Variants in TRPM3 observed in about 807,000 individuals in gnomAD.
The protein encoded by TRPM3 is long transient receptor potential channel 3.
A neutral mutation model predicts 181.2 loss-of-function variants in TRPM3; 77 were observed. The ratio of observed to expected loss-of-function variants is 0.42; its 90% confidence interval spans 0.35 to 0.51. The LOEUF is 0.51. Ranked by LOEUF, TRPM3 falls within the 20% of genes least tolerant of loss-of-function variation. TRPM3 has a pLI of 0.01. For missense variants in TRPM3, 1,759 were observed against 2,196.7 expected (o/e 0.80, Z 3.98); for synonymous variants, 745 against 796.4 (o/e 0.94, Z 1.09).
intron 25 of TRPM3, among the ~76,000 whole-genome samples, chr9:70,542,958 T>C (rs1048875515): frequency 1.3e-5 from 2 of 152,214 alleles, no homozygotes; most frequent in African/African-American, 2.4e-5. Flanking sequence ...CCCTTTGGGT[T>C]AATTATCCTT....
rs115594752 is a variant in TRPM3 at position 71,431,720 on chromosome 9, T to G, written c.183+14933A>C. Among the ~76,000 whole-genome samples the G allele has an allele frequency of 7.9e-3, 1,202 of 152,340 alleles. 21 individuals are homozygous for G. Among genetic ancestry groups the G allele is most frequent in the African/African-American group, 0.027 (1,105 of 41,572 alleles). On this transcript the variant is annotated intron_variant, in intron 1 of 24. Transcript: ENST00000357533. Reference sequence around the variant, plus strand: ...AGACTTCACTTCTCTGAAATTTTATTTCATCTTCCATAACTTGTGCATCAA... The same window carrying G: ...AGACTTCACTTCTCTGAAATTTTATGTCATCTTCCATAACTTGTGCATCAA...
At chr9:71,421,222 G>A (rs1014140463) in intron 1 of TRPM3, among the ~76,000 whole-genome samples, 4 of 151,754 alleles carry the variant, frequency 2.6e-5, no homozygotes, top group Admixed American at 6.6e-5. Flanking sequence ...AGGTGGGAAG[G>A]AAGGAAGGGG....
At chr9:70,576,929 G>T (rs2054179160) in intron 22 of TRPM3, among the ~76,000 whole-genome samples, 1 of 152,178 alleles carries the variant, frequency 6.6e-6, no homozygotes, top group African/African-American at 2.4e-5. Context: ...TGTCTGGAAT[G>T]TTCCTTCCCC....
intron 1 of TRPM3, among the ~76,000 whole-genome samples, chr9:70,986,403 T>A (rs2097421945): frequency 6.6e-6 from 1 of 152,154 alleles, no homozygotes; most frequent in South Asian, 2.1e-4. Flanking sequence ...ACTTCATACA[T>A]CTTTATTACT....
At chr9:71,076,667 G>C (rs565034788) in intron 1 of TRPM3, among the ~76,000 whole-genome samples, 21 of 152,268 alleles carry the variant, frequency 1.4e-4, no homozygotes, top group Middle Eastern at 6.8e-3. Context: ...AAAAGCTGGG[G>C]AAAAGCTAAT....
chr9:71,356,631 A>T (rs1565493997), intron 1 of TRPM3, among the ~76,000 whole-genome samples: 1 of 152,198 alleles, frequency 6.6e-6, no homozygotes, highest in Non-Finnish European at 1.5e-5. Flanking sequence ...GAGATAATCC[A>T]TGAAAACCAC....
chr9:70,595,847 C>G (rs1205199446), intron 21 of TRPM3, among the ~76,000 whole-genome samples: 1 of 152,038 alleles, frequency 6.6e-6, no homozygotes, highest in Non-Finnish European at 1.5e-5. Flanking sequence ...CATTTTTTTC[C>G]TAGTCAAAAA....
chr9:70,844,195 T>C (rs2094841902), intron 4 of TRPM3, among the ~76,000 whole-genome samples: 1 of 152,124 alleles, frequency 6.6e-6, no homozygotes, highest in African/African-American at 2.4e-5. Context: ...TGCGCTAAAC[T>C]AACTAAACAC....
Position 70,972,335 on chromosome 9 carries a change from G to T in TRPM3, c.178-107824C>A, listed in dbSNP as rs2097255863. ...AAGTGAAAGAGCGTAATGTTTTCAA[G>T]ATTCATCTATGTTGTCAGATAAATC... On this transcript the variant is annotated intron_variant, in intron 1 of 25. Coordinates refer to ENST00000677713, the MANE Select transcript of TRPM3 (RefSeq NM_001366145.2). Among the ~76,000 whole-genome samples, 4 of 152,106 alleles carry T rather than the reference G, an allele frequency of 2.6e-5. No homozygotes were observed. In the South Asian group the frequency reaches 8.3e-4, roughly 32 times the overall value.
chr9:71,322,462 A>G (rs2089313058), intron 1 of TRPM3, among the ~76,000 whole-genome samples: 2 of 152,288 alleles, frequency 1.3e-5, no homozygotes, highest in South Asian at 4.1e-4. Flanking sequence ...AACTTGATAT[A>G]TTATTCCATA....
chr9:71,094,206 T>G (rs2133946197), intron 1 of TRPM3, among the ~76,000 whole-genome samples: 1 of 152,156 alleles, frequency 6.6e-6, no homozygotes, highest in Non-Finnish European at 1.5e-5. Flanking sequence ...CCTGTATACC[T>G]GTATAACAAA....
intron 1 of TRPM3, among the ~76,000 whole-genome samples, chr9:71,009,499 C>T (rs912428113): frequency 3.3e-5 from 5 of 151,950 alleles, no homozygotes; most frequent in Admixed American, 3.3e-4. Flanking sequence ...ACAATAGCTA[C>T]AAAAGATACC....
At chr9:70,794,573 A>T (rs1351786299) in intron 6 of TRPM3, among the ~76,000 whole-genome samples, 1 of 151,944 alleles carries the variant, frequency 6.6e-6, no homozygotes, top group Non-Finnish European at 1.5e-5. Context: ...CTCTCGGAGG[A>T]GGCTTTTCCT....
chr9:70,915,212 T>C (rs1229922151), intron 1 of TRPM3, among the ~76,000 whole-genome samples: 1 of 152,214 alleles, frequency 6.6e-6, no homozygotes, highest in Non-Finnish European at 1.5e-5. Flanking sequence ...GAGAAGGAAT[T>C]CAGAATTCTA....
chr9:70,813,987 C>T (rs1034702843), intron 6 of TRPM3, among the ~76,000 whole-genome samples: 5 of 152,188 alleles, frequency 3.3e-5, no homozygotes, highest in Non-Finnish European at 5.9e-5. Context: ...TATCTTGCTA[C>T]CCCTACAGTG....
At chr9:71,222,760 C>A (rs2080316355) in intron 1 of TRPM3, among the ~76,000 whole-genome samples, 1 of 152,322 alleles carries the variant, frequency 6.6e-6, no homozygotes, top group African/African-American at 2.4e-5. Flanking sequence ...TTGGGGAAGG[C>A]AGAGCACAGT....
At chr9:71,200,974 G>A (rs1191349163) in intron 1 of TRPM3, among the ~76,000 whole-genome samples, 4 of 151,636 alleles carry the variant, frequency 2.6e-5, no homozygotes, top group Non-Finnish European at 4.4e-5. Context: ...AGCCTCGATG[G>A]TCTTTACAAT....
chr9:70,879,962 C>CAGAT (rs2095954965), intron 1 of TRPM3, among the ~76,000 whole-genome samples: 2 of 152,098 alleles, frequency 1.3e-5, no homozygotes, highest in Non-Finnish European at 2.9e-5. Flanking sequence ...AGACACACTC[C>CAGAT]TAGTATTGCA....
At chr9:70,794,532 C>T (rs1196458435) in intron 6 of TRPM3, among the ~76,000 whole-genome samples, 1 of 152,126 alleles carries the variant, frequency 6.6e-6, no homozygotes, top group African/African-American at 2.4e-5. Context: ...CATCTCCATC[C>T]TGCACTCTGG....
Sources: allele counts gnomAD v4.1 joint callset (sites outside exome capture counted in the v4.1 genomes callset), GRCh38; gene constraint gnomAD v4.1.1; transcripts MANE v1.5; gene names NCBI Gene and HGNC (gene_info 2026-07-23, HGNC 2026-07-21).